Variants in SLC4A4 observed in about 807,000 individuals in gnomAD.
The protein encoded by SLC4A4 is electrogenic sodium bicarbonate cotransporter 1.
SLC4A4 carries 27 observed loss-of-function variants against 111.5 expected under a neutral mutation model. The observed-to-expected ratio is 0.24, with a 90% confidence interval of 0.18 to 0.33. The LOEUF (loss-of-function observed/expected upper bound fraction) is 0.33. Ranked by LOEUF, SLC4A4 falls within the 10% of genes least tolerant of loss-of-function variation. The pLI is 1.00. For missense variants in SLC4A4, 909 were observed against 1,315.5 expected (o/e 0.69, Z 4.78); for synonymous variants, 443 against 463.4 (o/e 0.96, Z 0.57).
chr4:71,531,921 A>G (rs1733967500), intron 16 of SLC4A4, 141 bp from the exon 17 acceptor site: 2 of 663,866 alleles, frequency 3.0e-6, no homozygotes, highest in East Asian at 2.7e-5. Flanking sequence ...ATTTTTCTGC[A>G]CTCTGATACC....
chr4:71,160,697 A>G (rs905692884), intron 2 of SLC4A4, among the ~76,000 whole-genome samples: 1 of 152,132 alleles, frequency 6.6e-6, no homozygotes, highest in Non-Finnish European at 1.5e-5. Context: ...AAAGCAAGCA[A>G]GTAAGCAAAC....
At chr4:71,488,032 C>G (rs542207914) in intron 15 of SLC4A4, among the ~76,000 whole-genome samples, 23 of 151,456 alleles carry the variant, frequency 1.5e-4, no homozygotes, top group African/African-American at 4.8e-4. Flanking sequence ...ACTGGTCAGC[C>G]TATTGCCTAA....
intron 2 of SLC4A4, among the ~76,000 whole-genome samples, chr4:71,124,109 T>A (rs148770271): frequency 6.6e-6 from 1 of 152,122 alleles, no homozygotes; most frequent in African/African-American, 2.4e-5. Flanking sequence ...ACAGACAGTC[T>A]GAGAATTTGG....
intron 9 of SLC4A4, 91 bp from the exon 10 acceptor site, chr4:71,450,298 T>C: frequency 3.3e-6 from 3 of 915,122 alleles, no homozygotes; most frequent in Non-Finnish European, 5.5e-6. Flanking sequence ...AATAGCACAG[T>C]TGTTATGGGC....
At chr4:71,132,722 C>G (rs1391311044) in intron 2 of SLC4A4, among the ~76,000 whole-genome samples, 1 of 152,212 alleles carries the variant, frequency 6.6e-6, no homozygotes, top group East Asian at 1.9e-4. Context: ...TTTTGCCCAA[C>G]AGCTTTACCA....
At chr4:71,537,609 C>T (rs1295229810) in intron 18 of SLC4A4, among the ~76,000 whole-genome samples, 2 of 151,974 alleles carry the variant, frequency 1.3e-5, no homozygotes, top group Non-Finnish European at 2.9e-5. Context: ...ATATCCCTAT[C>T]CTGGGAGATT....
At chr4:71,511,256 T>G (rs990789621) in intron 16 of SLC4A4, among the ~76,000 whole-genome samples, 1 of 152,150 alleles carries the variant, frequency 6.6e-6, no homozygotes, top group Non-Finnish European at 1.5e-5. Context: ...ATCCTCTTCT[T>G]TTACCCTGAA....
chr4:71,207,835 CAG>C (rs1430157021), intron 1 of SLC4A4, among the ~76,000 whole-genome samples: 6 of 152,136 alleles, frequency 3.9e-5, no homozygotes, highest in Admixed American at 6.5e-5. Flanking sequence ...TTCGGGGAGA[CAG>C]GGGCTCATTC....
At chr4:71,172,458 G>A (rs1744972360) in intron 2 of SLC4A4, among the ~76,000 whole-genome samples, 1 of 152,116 alleles carries the variant, frequency 6.6e-6, no homozygotes, top group African/African-American at 2.4e-5. Flanking sequence ...GTTTCACCAT[G>A]TTGGCCAGGA....
At chr4:71,531,773 A>G (rs1335252321) in intron 16 of SLC4A4, among the ~76,000 whole-genome samples, 3 of 148,238 alleles carry the variant, frequency 2.0e-5, no homozygotes, top group African/African-American at 7.6e-5. Context: ...ACACACACAC[A>G]CACACACACA....
intron 1 of SLC4A4, among the ~76,000 whole-genome samples, chr4:71,072,024 C>G (rs955668390): frequency 6.6e-6 from 1 of 152,110 alleles, no homozygotes; most frequent in African/African-American, 2.4e-5. Flanking sequence ...ACGAATGTTT[C>G]TTTTTCTCCT....
chr4:71,223,085 C>A (rs1473263976), intron 1 of SLC4A4, among the ~76,000 whole-genome samples: 5 of 152,110 alleles, frequency 3.3e-5, no homozygotes, highest in African/African-American at 1.2e-4. Flanking sequence ...TTTAATTATT[C>A]AGTGAGTCTA....
chr4:71,308,753 C>A (rs1226118827), intron 3 of SLC4A4, among the ~76,000 whole-genome samples: 1 of 152,202 alleles, frequency 6.6e-6, no homozygotes. Flanking sequence ...ACCACCAGGG[C>A]TCTGGGTTTC....
intron 2 of SLC4A4, among the ~76,000 whole-genome samples, chr4:71,115,390 AAAC>A (rs1388393173): frequency 1.3e-3 from 193 of 152,236 alleles, no homozygotes; most frequent in Middle Eastern, 3.4e-3. Flanking sequence ...ACAAACAAAC[AAAC>A]AAACAAAAAA....
rs186641503 is a variant in SLC4A4, at chr4:71,506,909, C to T, written c.2166+9217C>T. ...AACAGTGGGCCTCTCAGTGGAAATC[C>T]TATGAGCCAGAAGAGATTGGGGGCC... is the stretch of plus-strand genomic sequence containing the variant. On this transcript the variant is annotated intron_variant, in intron 16 of 25. Transcript: ENST00000264485. 3.9e-5 allele frequency among the ~76,000 whole-genome samples: 6 copies of T among 152,156 alleles called. No homozygotes were observed. In the East Asian group the frequency reaches 9.7e-4, roughly 25 times the overall value.
chr4:71,397,696 A>T, intron 7 of SLC4A4, 43 bp downstream of exon 7: 1 of 1,509,940 alleles, frequency 6.6e-7, no homozygotes, highest in Non-Finnish European at 9.2e-7. Context: ...AAGAGAACGT[A>T]TATCTAAAAG....
intron 6 of SLC4A4, among the ~76,000 whole-genome samples, chr4:71,384,630 C>T (rs1228367508): frequency 1.4e-5 from 2 of 144,400 alleles, no homozygotes; most frequent in South Asian, 2.2e-4. Context: ...AGCAAGACTC[C>T]GTCCCTCCCA....
At chr4:71,068,816 C>T (rs1741598559) in intron 1 of SLC4A4, among the ~76,000 whole-genome samples, 1 of 152,194 alleles carries the variant, frequency 6.6e-6, no homozygotes, top group Admixed American at 6.5e-5. Flanking sequence ...ATCTGCCTGC[C>T]TTGGCTTCCC....
chr4:71,485,821 T>C (rs1174972457), intron 14 of SLC4A4, among the ~76,000 whole-genome samples: 4 of 151,550 alleles, frequency 2.6e-5, no homozygotes, highest in African/African-American at 9.7e-5. Context: ...ACTTCCTTTA[T>C]TGACAGTAAA....
Sources: allele counts gnomAD v4.1 joint callset (sites outside exome capture counted in the v4.1 genomes callset), GRCh38; gene constraint gnomAD v4.1.1; transcripts MANE v1.5; gene names NCBI Gene and HGNC (gene_info 2026-07-23, HGNC 2026-07-21).